SMAP2: variants seen among roughly 807,000 people sequenced by gnomAD.
SMAP2 encodes the protein small ArfGAP2.
A neutral mutation model predicts 56.4 loss-of-function variants in SMAP2; 25 were observed. The observed-to-expected ratio is 0.44, with a 90% CI of 0.32 to 0.62. The LOEUF (loss-of-function observed/expected upper bound fraction) is 0.62, where lower values mean the gene tolerates loss of function less well. Among genes scored for constraint, SMAP2 ranks in the 20% least tolerant of loss-of-function variants. The pLI is 0.04. For missense variants in SMAP2, 388 were observed against 545.6 expected (o/e 0.71, Z 2.88); for synonymous variants, 157 against 181.7 (o/e 0.86, Z 1.09).
Position 40,384,534 on chromosome 1 carries a change from A to G in SMAP2, c.103+10311A>G, listed in dbSNP as rs149996461. 5.3e-3 allele frequency among the ~76,000 whole-genome samples: 803 copies of G among 152,290 alleles called. 5 individuals are homozygous for G. Among genetic ancestry groups the G allele is most frequent in the African/African-American group, 0.018 (741 of 41,554 alleles). ...CTTTCTAGAAGTGCTTTTTTTGTCA[A>G]TCAGGTCACCTGCATTTGGGCCCTT... On this transcript the variant is annotated intron_variant, in intron 1 of 9. Coordinates refer to ENST00000372718, the MANE Select transcript of SMAP2 (RefSeq NM_022733.3).
chr1:40,407,462 C>G (rs1370312729), intron 2 of SMAP2, among the ~76,000 whole-genome samples: 1 of 151,898 alleles, frequency 6.6e-6, no homozygotes, highest in African/African-American at 2.4e-5. Flanking sequence ...TGCACTCTAG[C>G]CTGAGCAATA....
chr1:40,387,898 C>A (rs968653574), intron 1 of SMAP2, among the ~76,000 whole-genome samples: 1 of 151,436 alleles, frequency 6.6e-6, no homozygotes, highest in Non-Finnish European at 1.5e-5. Context: ...ACTTGTGGGC[C>A]AGCTGGAGTT....
chr1:40,410,854 T>G lies in SMAP2; in HGVS notation c.402+1019T>G, dbSNP rs923658753. On this transcript the variant is annotated intron_variant, in intron 4 of 9. Transcript: ENST00000372718. ...TACCTTTAAATAACCTTTGACAAGATTCTACAGAAAATTCTCTTAGGAATA... is the reference window on the plus strand; with the variant it reads ...TACCTTTAAATAACCTTTGACAAGAGTCTACAGAAAATTCTCTTAGGAATA... Among the ~76,000 whole-genome samples, 14 of 152,294 alleles carry G rather than the reference T, an allele frequency of 9.2e-5. 1 individual carries two copies. Among genetic ancestry groups the G allele is most frequent in the East Asian group, 5.8e-4 (3 of 5,188 alleles).
intron 1 of SMAP2, among the ~76,000 whole-genome samples, chr1:40,348,572 G>A (rs1644398432): frequency 6.6e-6 from 1 of 151,956 alleles, no homozygotes; most frequent in South Asian, 2.1e-4. Context: ...GCGTGCACCA[G>A]AGAATGAGTC....
intron 1 of SMAP2, among the ~76,000 whole-genome samples, chr1:40,348,891 C>T (rs1644399615): frequency 6.6e-6 from 1 of 152,090 alleles, no homozygotes; most frequent in South Asian, 2.1e-4. Context: ...CTGCCTCATT[C>T]TCCCGAGTAG....
At chr1:40,346,963 T>C (rs1644388636) in intron 1 of SMAP2, among the ~76,000 whole-genome samples, 1 of 151,954 alleles carries the variant, frequency 6.6e-6, no homozygotes, top group Admixed American at 6.6e-5. Context: ...GATCCTCCTG[T>C]CTCAACCTCC....
chr1:40,353,249 C>A (rs943030731), intron 1 of SMAP2, among the ~76,000 whole-genome samples: 1 of 152,224 alleles, frequency 6.6e-6, no homozygotes, highest in Non-Finnish European at 1.5e-5. Flanking sequence ...CTTTTCTCTT[C>A]TTCCTTCATT....
chr1:40,422,146 T>C lies in SMAP2; in HGVS notation c.*45T>C. ...CTGCCATTCTCTTCAGCCCTCGCTC[T>C]CCCCTTTCCACAGCCTCCACCCCTG... is the stretch of plus-strand genomic sequence containing the variant. On this transcript the variant is annotated 3_prime_UTR_variant, in exon 10 of 10. Transcript: ENST00000372718. The C allele has an allele frequency of 6.2e-7, 1 of 1,608,814 alleles. No individual in the cohort carries two copies. The highest frequency in any genetic ancestry group is 8.5e-7 in the Non-Finnish European group (1 of 1,178,176).
At position 40,352,708 on chromosome 1, in the gene SMAP2, T is replaced by G. The variant is rs539430107; in HGVS notation, c.-83+7798T>G. Among the ~76,000 whole-genome samples, 29 of 152,010 alleles carry G rather than the reference T, an allele frequency of 1.9e-4. No individual in the cohort carries two copies. The South Asian group carries it at 6.0e-3, about 32-fold the overall frequency. ...TTCTCTGCTAATTTTTTAAAAAGTT[T>G]GTAGAGACAATGCCTCGCTATGTTG... On this transcript the variant is annotated intron_variant, in intron 1 of 6. Coordinates refer to the SMAP2 transcript ENST00000435168.
chr1:40,417,309 C>T (rs1375114965), intron 9 of SMAP2, among the ~76,000 whole-genome samples: 1 of 151,156 alleles, frequency 6.6e-6, no homozygotes, highest in Non-Finnish European at 1.5e-5. Flanking sequence ...AGAATAAGCC[C>T]AACTGCCTAA....
chr1:40,404,172 C>T (rs763031040), intron 1 of SMAP2, among the ~76,000 whole-genome samples: 1 of 152,128 alleles, frequency 6.6e-6, no homozygotes, highest in Non-Finnish European at 1.5e-5. Flanking sequence ...ACATTTGTCT[C>T]TTTTATTTTT....
rs1569926632 is a variant in SMAP2 at position 40,417,066 on chromosome 1, A to T, written c.1134A>T (p.Pro378=). ...CCCAGACTGTGTATGGGGTCCAGCC[A>T]GCTCAGCAGCTGCAATGGAACCTTA... ...AMPQTVYGVQ[P]AQQLQWNLTQ... Residue 378 remains proline, a synonymous_variant, in exon 9 of 10, where the codon CCA becomes CCT. Transcript: ENST00000372718. 1.2e-6 allele frequency: 2 copies of T among 1,604,374 alleles called. No individual in the cohort carries two copies. Among genetic ancestry groups the T allele is most frequent in the Non-Finnish European group, 1.7e-6 (2 of 1,171,822 alleles).
At chr1:40,379,347 C>A (rs1644573245) in intron 1 of SMAP2, among the ~76,000 whole-genome samples, 1 of 152,038 alleles carries the variant, frequency 6.6e-6, no homozygotes, top group Non-Finnish European at 1.5e-5. Flanking sequence ...AAATATATTC[C>A]TTTGCAGTGC....
At chr1:40,415,446 C>T in intron 7 of SMAP2, 65 bp downstream of exon 7, 1 of 1,060,498 alleles carries the variant, frequency 9.4e-7, no homozygotes, top group Non-Finnish European at 1.5e-6. Context: ...ATATCTTAAT[C>T]ATGGAACCAC....
chr1:40,408,502 T>C lies in SMAP2; in HGVS notation c.238-151T>C, dbSNP rs1644906325. On this transcript the variant is annotated intron_variant, in intron 2 of 9. Coordinates refer to ENST00000372718, the MANE Select transcript of SMAP2 (RefSeq NM_022733.3). This position sits in a 1 kb window ranked among gnomAD's most constrained non-coding sequence, Gnocchi z 4.3. ...AATCCTAGTAAGGTAGAGGGAATCA[T>C]GAATTGGAAATCAGAATACACAAGT... The C allele has an allele frequency of 5.1e-6, 3 of 584,450 alleles. No individual in the cohort carries two copies. The highest frequency in any genetic ancestry group is 9.1e-6 in the Non-Finnish European group (3 of 330,920). 36.2% of individuals were successfully genotyped at this position (584,450 alleles called of 1,614,324 possible).
At chr1:40,418,447 C>T (rs1645010795) in intron 9 of SMAP2, among the ~76,000 whole-genome samples, 1 of 152,004 alleles carries the variant, frequency 6.6e-6, no homozygotes, top group African/African-American at 2.4e-5. Context: ...GAAATAAAGA[C>T]AAAATAAATA....
At chr1:40,417,556 AC>A (rs1254619291) in intron 9 of SMAP2, among the ~76,000 whole-genome samples, 1 of 151,900 alleles carries the variant, frequency 6.6e-6, no homozygotes, top group Non-Finnish European at 1.5e-5. Context: ...AGATAAAGTA[AC>A]CCCCCAGAAG....
chr1:40,399,218 C>G (rs1468675477), intron 1 of SMAP2, among the ~76,000 whole-genome samples: 1 of 151,962 alleles, frequency 6.6e-6, no homozygotes, highest in Non-Finnish European at 1.5e-5. Context: ...GATCTCGGCC[C>G]ACTGCAACCT....
At chr1:40,380,157 T>A (rs1644583167) in intron 1 of SMAP2, among the ~76,000 whole-genome samples, 1 of 152,224 alleles carries the variant, frequency 6.6e-6, no homozygotes, top group African/African-American at 2.4e-5. Flanking sequence ...TACTTTTGAC[T>A]TTATTCCCTT....
Sources: gnomAD v4.1 joint callset for allele counts (sites outside exome capture counted in the v4.1 genomes callset) on GRCh38, gnomAD v4.1.1 for gene constraint, Gnocchi (gnomAD v3.1) non-coding constraint, MANE v1.5 for transcripts, NCBI Gene and HGNC (gene_info 2026-07-23, HGNC 2026-07-21) for gene names.